Variants in SYT1 observed in about 807,000 individuals in gnomAD.
SYT1 encodes synaptotagmin 1.
SYT1 carries 8 observed loss-of-function variants against 44.8 expected under a neutral mutation model. The ratio of observed to expected loss-of-function variants is 0.18; its 90% CI spans 0.10 to 0.32. The LOEUF (loss-of-function observed/expected upper bound fraction) is 0.32, where lower values mean the gene tolerates loss of function less well. SYT1 is among the 10% of genes least tolerant of loss of function. SYT1 has a pLI of 1.00. For missense variants in SYT1, 286 were observed against 509.3 expected, an observed-to-expected ratio of 0.56 and a Z score of 4.22; for synonymous variants, 154 against 188.8, an observed-to-expected ratio of 0.82 and a Z score of 1.51.
chr12:78,952,949 G>GT (rs1290251451), intron 1 of SYT1, among the ~76,000 whole-genome samples: 1 of 152,064 alleles, frequency 6.6e-6, no homozygotes, highest in Non-Finnish European at 1.5e-5. Context: ...AGGAAAAATT[G>GT]ACCTTTAATG....
intron 2 of SYT1, among the ~76,000 whole-genome samples, chr12:79,005,481 T>C (rs1871015922): frequency 6.6e-6 from 1 of 152,046 alleles, no homozygotes; most frequent in South Asian, 2.1e-4. Context: ...CCAATAATAA[T>C]GTCTATCTCA....
In SYT1 at chr12:79,043,230, A is replaced by T. The variant is rs1305916450; in HGVS notation, c.-83-4067A>T. On this transcript the variant is annotated intron_variant, in intron 2 of 10. Transcript: ENST00000261205. ...TGTCTAATGTTGACAGTGGGGTGTT[A>T]AAGTCTCCCATTATTAATGTGTGGG... Among the ~76,000 whole-genome samples the T allele has an allele frequency of 2.0e-3, 301 of 149,406 alleles. 2 individuals are homozygous for T. Among genetic ancestry groups the T allele is most frequent in the Middle Eastern group, 0.01 (3 of 292 alleles).
intron 1 of SYT1, among the ~76,000 whole-genome samples, chr12:78,894,853 A>C (rs1875269053): frequency 6.6e-6 from 1 of 151,644 alleles, no homozygotes; most frequent in South Asian, 2.1e-4. Context: ...GTACATCATG[A>C]TGACTGTGGT....
chr12:78,940,619 C>T (rs1389295170), intron 1 of SYT1, among the ~76,000 whole-genome samples: 2 of 151,992 alleles, frequency 1.3e-5, no homozygotes, highest in African/African-American at 4.8e-5. Flanking sequence ...GAACTCTTGG[C>T]CTCAAGCATC....
At chr12:79,403,494 G>A (rs1997181) in intron 9 of SYT1, among the ~76,000 whole-genome samples, 126,470 of 152,108 alleles carry the variant, frequency 0.83, 57,072 homozygotes, top group East Asian at 1. Flanking sequence ...AGCCCACCTA[G>A]TGACCTCATT....
intron 1 of SYT1, among the ~76,000 whole-genome samples, chr12:78,925,019 T>C (rs1877224224): frequency 1.3e-5 from 2 of 151,924 alleles, no homozygotes; most frequent in African/African-American, 4.8e-5. Flanking sequence ...TCTATATGAA[T>C]AAATACATAT....
At chr12:79,046,167 G>C (rs1409528425) in intron 2 of SYT1, among the ~76,000 whole-genome samples, 27 of 152,276 alleles carry the variant, frequency 1.8e-4, no homozygotes, top group Admixed American at 1.7e-3. Flanking sequence ...TAAAGGAAAA[G>C]CAGATCTTGG....
chr12:79,116,372 T>A lies in SYT1; in HGVS notation c.-18+69010T>A, dbSNP rs182081015. On this transcript the variant is annotated intron_variant, in intron 3 of 10. Transcript: ENST00000261205. The stretch of plus-strand genomic sequence containing the variant: ...GCTTGGGGTTTTACACTGGCAGGGA[T>A]GTACACAATATTCAATGGAGGAAAA... 2.0e-5 allele frequency among the ~76,000 whole-genome samples: 3 copies of A among 152,288 alleles called. No homozygotes were observed. The East Asian group carries it at 5.8e-4, about 29-fold the overall frequency.
chr12:78,951,180 C>A (rs1878945567), intron 1 of SYT1, among the ~76,000 whole-genome samples: 1 of 152,132 alleles, frequency 6.6e-6, no homozygotes, highest in African/African-American at 2.4e-5. Context: ...CATAATAAAT[C>A]CTTACTTGTA....
At chr12:79,147,606 A>G (rs917136356) in intron 3 of SYT1, among the ~76,000 whole-genome samples, 2 of 152,228 alleles carry the variant, frequency 1.3e-5, no homozygotes, top group Admixed American at 6.5e-5. Flanking sequence ...CAAAAGTTTG[A>G]TAACTATAAC....
intron 1 of SYT1, among the ~76,000 whole-genome samples, chr12:78,958,067 A>G (rs959886081): frequency 2.0e-5 from 3 of 152,132 alleles, no homozygotes; most frequent in African/African-American, 7.2e-5. Context: ...GAAAAAAACC[A>G]TTTTTGAGTG....
intron 9 of SYT1, among the ~76,000 whole-genome samples, chr12:79,355,071 TAG>T (rs141408939): frequency 0.016 from 2,477 of 152,218 alleles, 45 homozygotes; most frequent in East Asian, 0.1. Flanking sequence ...CCCATCATCA[TAG>T]AGAGATATTT....
intron 3 of SYT1, among the ~76,000 whole-genome samples, chr12:79,191,812 T>C (rs566981609): frequency 1.3e-5 from 2 of 152,078 alleles, no homozygotes; most frequent in Non-Finnish European, 2.9e-5. Flanking sequence ...TGGTCTAGTA[T>C]GGAATATGGG....
chr12:79,363,367 A>T (rs577495083), intron 9 of SYT1, among the ~76,000 whole-genome samples: 8 of 152,058 alleles, frequency 5.3e-5, no homozygotes, highest in Non-Finnish European at 1.2e-4. Context: ...AAGCATGCAA[A>T]GTTTTGAGTC....
chr12:79,191,622 G>A (rs1400100406), intron 3 of SYT1, among the ~76,000 whole-genome samples: 1 of 152,144 alleles, frequency 6.6e-6, no homozygotes, highest in Non-Finnish European at 1.5e-5. Flanking sequence ...ATGCCAGGAT[G>A]ACTAGGTAGA....
At chr12:78,899,313 G>A (rs1875532395) in intron 1 of SYT1, among the ~76,000 whole-genome samples, 1 of 151,828 alleles carries the variant, frequency 6.6e-6, no homozygotes, top group Admixed American at 6.6e-5. Context: ...AACTAATTCA[G>A]TAAATAAGTA....
intron 4 of SYT1, among the ~76,000 whole-genome samples, chr12:79,241,045 T>TG (rs1293498518): frequency 6.6e-6 from 1 of 152,048 alleles, no homozygotes; most frequent in East Asian, 1.9e-4. Context: ...TGGTGGCACA[T>TG]GCCTTTAGTC....
At chr12:78,871,320 A>C (rs561609930) in intron 1 of SYT1, among the ~76,000 whole-genome samples, 2 of 152,162 alleles carry the variant, frequency 1.3e-5, no homozygotes, top group South Asian at 4.1e-4. Flanking sequence ...CTGCAAGTAT[A>C]AACAATAAGA....
chr12:79,070,594 CTTTT>C, intron 3 of SYT1, among the ~76,000 whole-genome samples: 1 of 151,890 alleles, frequency 6.6e-6, no homozygotes, highest in Non-Finnish European at 1.5e-5. Context: ...TTTTTCTCTT[CTTTT>C]TTTTCTTTTT....
Sources: allele counts gnomAD v4.1 joint callset (sites outside exome capture counted in the v4.1 genomes callset), GRCh38; gene constraint gnomAD v4.1.1; transcripts MANE v1.5; gene names NCBI Gene and HGNC (gene_info 2026-07-23, HGNC 2026-07-21).